The following TMEM178A variants were observed in gnomAD, a reference collection of about 807,000 sequenced individuals.
TMEM178A encodes transmembrane protein 178A.
In TMEM178A, 12 loss-of-function variants were observed where a neutral mutation model predicts 29.1. The ratio of observed to expected loss-of-function variants is 0.41; its 90% confidence interval spans 0.26 to 0.67. The LOEUF (loss-of-function observed/expected upper bound fraction) is 0.67, where lower values mean the gene tolerates loss of function less well. TMEM178A is among the 30% of genes least tolerant of loss of function. TMEM178A has a pLI of 0.29. For synonymous variants in TMEM178A, 210 were observed against 187.2 expected (o/e 1.12, Z -0.99); for missense variants, 366 against 419.1 (o/e 0.87, Z 1.11).
intron 1 of TMEM178A, among the ~76,000 whole-genome samples, chr2:39,672,266 G>A (rs1670436154): frequency 6.6e-6 from 1 of 152,172 alleles, no homozygotes; most frequent in South Asian, 2.1e-4. Flanking sequence ...CACAAAAGTG[G>A]ATGGTACTTT....
In TMEM178A at chr2:39,714,617, A is replaced by AT. The variant is rs1672455652; in HGVS notation, c.653-2391dup. ...GTGTCCATGAGGTAAGCACAAATCA[A>AT]TTCCCCAGGAAAAGCACAAACATCC... On this transcript the variant is annotated intron_variant, in intron 3 of 3. Coordinates refer to ENST00000281961, the MANE Select transcript of TMEM178A (RefSeq NM_152390.3). Among the ~76,000 whole-genome samples the AT allele has an allele frequency of 2.0e-5, 3 of 152,328 alleles. No individual in the cohort carries two copies. The South Asian group carries it at 6.2e-4, about 32-fold the overall frequency.
intron 1 of TMEM178A, among the ~76,000 whole-genome samples, chr2:39,689,638 C>T (rs907411510): frequency 3.3e-5 from 5 of 152,094 alleles, no homozygotes; most frequent in Non-Finnish European, 1.5e-5. Context: ...AGCTCTGGAG[C>T]TGGATGGTGG....
Position 39,717,294 on chromosome 2 carries a change from G to C in TMEM178A, c.*43G>C, listed in dbSNP as rs1417078400. ...GTCCACAGTGCGAGCGACTCCTGAG[G>C]GGAACAGCGCGGAGTTCAGGAGTCC... is the stretch of plus-strand genomic sequence containing the variant. On this transcript the variant is annotated 3_prime_UTR_variant, in exon 4 of 4. Coordinates refer to ENST00000281961, the MANE Select transcript of TMEM178A (RefSeq NM_152390.3). The C allele has an allele frequency of 6.3e-7, 1 of 1,597,686 alleles. No individual in the cohort carries two copies. The highest frequency in any genetic ancestry group is 8.5e-7 in the Non-Finnish European group (1 of 1,171,158).
chr2:39,681,419 G>C lies in TMEM178A; in HGVS notation c.400+15045G>C, dbSNP rs1202863996. ...ATGTTTGCCCTGTCATAAGCATTTT[G>C]GTCATTCGGAAGACTTAAAAGATTA... On this transcript the variant is annotated intron_variant, in intron 1 of 3. Coordinates refer to ENST00000281961, the MANE Select transcript of TMEM178A (RefSeq NM_152390.3). Among the ~76,000 whole-genome samples the C allele has an allele frequency of 2.6e-5, 4 of 152,086 alleles. 1 individual carries two copies. Among genetic ancestry groups the C allele is most frequent in the African/African-American group, 7.2e-5 (3 of 41,418 alleles).
intron 2 of TMEM178A, among the ~76,000 whole-genome samples, chr2:39,704,852 C>T (rs1266888922): frequency 6.6e-6 from 1 of 152,216 alleles, no homozygotes; most frequent in Non-Finnish European, 1.5e-5. Context: ...CAGAGGTTGA[C>T]ATTGTCATTT....
At chr2:39,709,832 A>G (rs1182065941) in intron 3 of TMEM178A, among the ~76,000 whole-genome samples, 1 of 152,256 alleles carries the variant, frequency 6.6e-6, no homozygotes, top group East Asian at 1.9e-4. Context: ...AGGAGTTTTT[A>G]AAGGATACTT....
rs1468315009 is a variant in TMEM178A, at chr2:39,682,632, T to C, written c.400+16258T>C. ...TGCTAGTGAAGACTTTGGGACATTATTGCCACTGCCTGGGGCCTTTGAGAT... is the reference window on the plus strand; with the variant it reads ...TGCTAGTGAAGACTTTGGGACATTACTGCCACTGCCTGGGGCCTTTGAGAT... On this transcript the variant is annotated intron_variant, in intron 1 of 3. Transcript: ENST00000281961. Among the ~76,000 whole-genome samples, 5 of 152,302 alleles carry C rather than the reference T, an allele frequency of 3.3e-5. No homozygotes were observed. In the East Asian group the frequency reaches 9.7e-4, roughly 29 times the overall value.
At chr2:39,670,105 C>T (rs899601092) in intron 1 of TMEM178A, among the ~76,000 whole-genome samples, 5 of 152,106 alleles carry the variant, frequency 3.3e-5, no homozygotes, top group Admixed American at 6.5e-5. Context: ...CTTCACCCAG[C>T]GATTTGAGTG....
At chr2:39,678,678 T>A (rs991448750) in intron 1 of TMEM178A, among the ~76,000 whole-genome samples, 1 of 152,212 alleles carries the variant, frequency 6.6e-6, no homozygotes, top group Non-Finnish European at 1.5e-5. Flanking sequence ...TCGTACACTT[T>A]AGTTAAGATG....
chr2:39,676,674 T>A (rs1334189530), intron 1 of TMEM178A, among the ~76,000 whole-genome samples: 1 of 152,136 alleles, frequency 6.6e-6, no homozygotes, highest in Admixed American at 6.5e-5. Flanking sequence ...GGCTGACACC[T>A]GAACAAAATC....
chr2:39,727,977 G>C, the TMEM178A span, among the ~76,000 whole-genome samples: 1 of 152,162 alleles, frequency 6.6e-6, no homozygotes, highest in South Asian at 2.1e-4. Context: ...GGACATTTGG[G>C]TTGGTTCCAA....
intron 1 of TMEM178A, among the ~76,000 whole-genome samples, chr2:39,684,305 A>G (rs1474293907): frequency 1.3e-5 from 2 of 152,116 alleles, no homozygotes; most frequent in Non-Finnish European, 2.9e-5. Flanking sequence ...ATGAACTTTC[A>G]TATATACATG....
rs1345965436 is a variant in TMEM178A at position 39,704,307 on chromosome 2, C to CT, written c.514+114dup. The stretch of plus-strand genomic sequence containing the variant: ...TGTTGTTCTTATCCTCTGTGAGCCT[C>CT]TGGGCCCAATCAGATGTGGTCAGAG... On this transcript the variant is annotated intron_variant, in intron 2 of 3. Transcript: ENST00000281961. 4 of 839,804 alleles carry CT rather than the reference C, an allele frequency of 4.8e-6. No individual in the cohort carries two copies. In the Admixed American group the frequency reaches 7.0e-5, roughly 15 times the overall value. 52.0% of individuals were successfully genotyped at this position (839,804 alleles called of 1,614,324 possible).
In TMEM178A at chr2:39,717,435, C is replaced by A; in HGVS notation, c.*184C>A. ...TCTAAGGACAAGACTACTGTGGATTCAAGTGCTTTAATGACTATTTATGCG... is the reference window on the plus strand; with the variant it reads ...TCTAAGGACAAGACTACTGTGGATTAAAGTGCTTTAATGACTATTTATGCG... On this transcript the variant is annotated 3_prime_UTR_variant, in exon 4 of 4. Coordinates refer to ENST00000281961, the MANE Select transcript of TMEM178A (RefSeq NM_152390.3). The A allele has an allele frequency of 2.5e-6, 2 of 793,394 alleles. No individual in the cohort carries two copies. Among genetic ancestry groups the A allele is most frequent in the Non-Finnish European group, 3.8e-6 (2 of 532,860 alleles). The allele number at this position is 793,394 out of a possible 1,614,324, so 49.1% of individuals were successfully genotyped here.
chr2:39,694,032 C>T (rs1671437312), intron 1 of TMEM178A, among the ~76,000 whole-genome samples: 1 of 149,026 alleles, frequency 6.7e-6, no homozygotes, highest in African/African-American at 2.5e-5. Context: ...ATCTGTCTGA[C>T]TTGTCATTGA....
the TMEM178A span, among the ~76,000 whole-genome samples, chr2:39,729,546 TCCTC>T: frequency 1.3e-5 from 2 of 152,190 alleles, no homozygotes; most frequent in African/African-American, 2.4e-5. Context: ...TATTTAAACT[TCCTC>T]CAACCAACCA....
At chr2:39,715,373 T>C (rs1239548156) in intron 3 of TMEM178A, among the ~76,000 whole-genome samples, 1 of 152,236 alleles carries the variant, frequency 6.6e-6, no homozygotes, top group Non-Finnish European at 1.5e-5. Flanking sequence ...AGGGCTTTGT[T>C]ATATATAAAA....
chr2:39,726,515 G>C, the TMEM178A span, among the ~76,000 whole-genome samples: 2 of 152,288 alleles, frequency 1.3e-5, no homozygotes, highest in East Asian at 3.9e-4. Context: ...TTCATTCTGA[G>C]TAAGATGGAA....
At chr2:39,699,485 C>G (rs1671687701) in intron 1 of TMEM178A, among the ~76,000 whole-genome samples, 1 of 151,920 alleles carries the variant, frequency 6.6e-6, no homozygotes, top group African/African-American at 2.4e-5. Flanking sequence ...GAGACAGAGT[C>G]TCACTCTGTC....
Sources: allele counts gnomAD v4.1 joint callset (sites outside exome capture counted in the v4.1 genomes callset), GRCh38; gene constraint gnomAD v4.1.1; transcripts MANE v1.5; gene names NCBI Gene and HGNC (gene_info 2026-07-23, HGNC 2026-07-21).